Variants in ZBTB7C observed in about 807,000 individuals in gnomAD.
The protein encoded by ZBTB7C is zinc finger and BTB domain containing 7C.
A neutral mutation model predicts 25.7 loss-of-function variants in ZBTB7C; 8 were observed. The observed-to-expected ratio is 0.31, with a 90% CI of 0.18 to 0.56. ZBTB7C has a LOEUF of 0.56. Ranked by LOEUF, ZBTB7C falls within the 20% of genes least tolerant of loss-of-function variation. The pLI is 0.91. For synonymous variants in ZBTB7C, 394 were observed against 369.0 expected, an observed-to-expected ratio of 1.07 and a Z score of -0.78; for missense variants, 824 against 855.2, an observed-to-expected ratio of 0.96 and a Z score of 0.46.
intron 2 of ZBTB7C, among the ~76,000 whole-genome samples, chr18:48,299,547 GC>G (rs1458810964): frequency 6.6e-6 from 1 of 152,230 alleles, no homozygotes; most frequent in Non-Finnish European, 1.5e-5. Context: ...CCTGGTTCTT[GC>G]CCCCACCTCA....
intron 3 of ZBTB7C, among the ~76,000 whole-genome samples, chr18:48,143,861 G>A (rs2040420980): frequency 5.3e-5 from 8 of 152,118 alleles, no homozygotes; most frequent in Admixed American, 5.2e-4. Context: ...TCTGCACCTT[G>A]GCTATAAATC....
chr18:48,383,071 G>A (rs1031846760), intron 1 of ZBTB7C, among the ~76,000 whole-genome samples: 1 of 152,058 alleles, frequency 6.6e-6, no homozygotes, highest in Non-Finnish European at 1.5e-5. Flanking sequence ...TCCCTAACCT[G>A]AGCAGAACTG....
chr18:48,121,762 A>G (rs2039637877), intron 3 of ZBTB7C, among the ~76,000 whole-genome samples: 1 of 152,190 alleles, frequency 6.6e-6, no homozygotes, highest in Non-Finnish European at 1.5e-5. Context: ...CTGTAAAATA[A>G]GGGCTTAGGA....
chr18:48,097,466 G>A (rs1347586815), intron 3 of ZBTB7C, among the ~76,000 whole-genome samples: 2 of 151,862 alleles, frequency 1.3e-5, no homozygotes, highest in African/African-American at 2.4e-5. Context: ...GCGCGATCTC[G>A]GTTCACTGCA....
At chr18:48,041,572 C>T (rs1023683461) in intron 3 of ZBTB7C, 1 of 983,176 alleles carries the variant, frequency 1.0e-6, no homozygotes, top group Non-Finnish European at 1.2e-6. Flanking sequence ...TCTCACAAAT[C>T]CTCTGATTCT....
At chr18:48,254,412 G>A (rs756054095) in intron 2 of ZBTB7C, among the ~76,000 whole-genome samples, 17 of 152,282 alleles carry the variant, frequency 1.1e-4, no homozygotes, top group Non-Finnish European at 1.0e-4. Context: ...TTTCCCCGCT[G>A]CTATGTAAAC....
chr18:48,250,121 A>T (rs1014840804), intron 2 of ZBTB7C, among the ~76,000 whole-genome samples: 6 of 152,132 alleles, frequency 3.9e-5, no homozygotes, highest in African/African-American at 1.4e-4. Flanking sequence ...GCCCAAATGG[A>T]TTTCCCCAGT....
At chr18:48,218,560 T>C (rs750144100) in intron 2 of ZBTB7C, among the ~76,000 whole-genome samples, 2 of 152,248 alleles carry the variant, frequency 1.3e-5, no homozygotes, top group African/African-American at 2.4e-5. Context: ...CCTGGTAAGA[T>C]GCTTGAAAGC....
At chr18:48,134,921 C>T (rs868093849) in intron 3 of ZBTB7C, among the ~76,000 whole-genome samples, 7 of 152,232 alleles carry the variant, frequency 4.6e-5, no homozygotes, top group Non-Finnish European at 2.9e-5. Flanking sequence ...TGTGTGCATT[C>T]CACTGCATCC....
At chr18:48,270,253 CTTTTTTT>C (rs760096959) in intron 2 of ZBTB7C, among the ~76,000 whole-genome samples, 12 of 98,754 alleles carry the variant, frequency 1.2e-4, no homozygotes, top group Non-Finnish European at 1.8e-4. Flanking sequence ...TTCTCTCTTT[CTTTTTTT>C]TTTTTTTTTT....
intron 3 of ZBTB7C, among the ~76,000 whole-genome samples, chr18:48,104,999 T>C (rs2038979613): frequency 6.6e-6 from 1 of 152,210 alleles, no homozygotes; most frequent in African/African-American, 2.4e-5. Context: ...GTGCTCACCA[T>C]TGGAAACATA....
chr18:48,398,644 CA>C (rs1025484784), intron 1 of ZBTB7C, among the ~76,000 whole-genome samples: 3 of 152,160 alleles, frequency 2.0e-5, no homozygotes, highest in Admixed American at 2.0e-4. Context: ...CTTCTCCCAT[CA>C]AAGTCACTGG....
At position 48,041,563 on chromosome 18, in the gene ZBTB7C, C is replaced by T. The variant is rs1423895671; in HGVS notation, c.-16-440G>A. The T allele has an allele frequency of 1.8e-5, 18 of 981,966 alleles. 1 individual carries two copies. The Admixed American group carries it at 1.0e-3, about 57-fold the overall frequency. 60.8% of individuals were successfully genotyped at this position (981,966 alleles called of 1,614,324 possible). On this transcript the variant is annotated intron_variant, in intron 3 of 4. Transcript: ENST00000590800. ...CTGCTGAGAAGATGCTCTGATTTGT[C>T]TCACAAATCCTCTGATTCTGTAACA...
chr18:48,301,108 G>A (rs772654137), intron 2 of ZBTB7C, among the ~76,000 whole-genome samples: 2 of 152,162 alleles, frequency 1.3e-5, no homozygotes, highest in Admixed American at 6.5e-5. Flanking sequence ...GATGGGAGAG[G>A]GACAGATGTT....
At chr18:48,247,014 G>A (rs773611582) in intron 2 of ZBTB7C, among the ~76,000 whole-genome samples, 2 of 152,228 alleles carry the variant, frequency 1.3e-5, no homozygotes, top group African/African-American at 4.8e-5. Context: ...TTGCAAGCAA[G>A]TGTTGCCTCA....
At chr18:48,062,923 G>T (rs1325199509) in intron 3 of ZBTB7C, among the ~76,000 whole-genome samples, 1 of 152,178 alleles carries the variant, frequency 6.6e-6, no homozygotes, top group African/African-American at 2.4e-5. Context: ...CAGTGACTGC[G>T]CTGGAACCCG....
intron 2 of ZBTB7C, among the ~76,000 whole-genome samples, chr18:48,198,662 TA>T (rs1402327729): frequency 2.0e-5 from 3 of 152,156 alleles, no homozygotes; most frequent in Non-Finnish European, 4.4e-5. Context: ...CTTTCATGTA[TA>T]AGGACCCTTA....
At chr18:48,142,148 A>G (rs752960809) in intron 3 of ZBTB7C, among the ~76,000 whole-genome samples, 47 of 152,368 alleles carry the variant, frequency 3.1e-4, no homozygotes, top group Non-Finnish European at 5.0e-4. Context: ...TTTGGAACCT[A>G]TCGGCCATTT....
chr18:48,063,532 T>C (rs1460782324), intron 3 of ZBTB7C, among the ~76,000 whole-genome samples: 2 of 151,784 alleles, frequency 1.3e-5, no homozygotes, highest in East Asian at 3.9e-4. Context: ...GTTAATGAGA[T>C]TTAAACAGGG....
Sources: gnomAD v4.1 joint callset for allele counts (sites outside exome capture counted in the v4.1 genomes callset) on GRCh38, gnomAD v4.1.1 for gene constraint, MANE v1.5 for transcripts, NCBI Gene and HGNC (gene_info 2026-07-23, HGNC 2026-07-21) for gene names.